Variants in TBCD observed in about 807,000 individuals in gnomAD.
TBCD encodes the protein tubulin-specific chaperone D.
Under a neutral mutation model 169.3 loss-of-function variants are expected in TBCD, and 105 were observed. The observed-to-expected ratio is 0.62, with a 90% CI of 0.53 to 0.73. The LOEUF (loss-of-function observed/expected upper bound fraction) is 0.73, where lower values mean the gene tolerates loss of function less well. Ranked by LOEUF, TBCD falls within the 30% of genes least tolerant of loss-of-function variation. The pLI, the probability that TBCD is intolerant of heterozygous loss-of-function variation, is 0.00. For missense variants in TBCD, 1,444 were observed against 1,600.1 expected (o/e 0.90, Z 1.66); for synonymous variants, 700 against 643.9 (o/e 1.09, Z -1.32).
chr17:82,828,296 A>G (rs1189884888), intron 13 of TBCD, among the ~76,000 whole-genome samples: 1 of 137,012 alleles, frequency 7.3e-6, no homozygotes, highest in African/African-American at 2.8e-5. Flanking sequence ...CCCCACAGGC[A>G]CACGTGCACA....
chr17:82,827,780 T>C (rs1039273353), intron 13 of TBCD, among the ~76,000 whole-genome samples: 7 of 150,394 alleles, frequency 4.7e-5, no homozygotes, highest in Middle Eastern at 3.4e-3. Flanking sequence ...TCCGCAGATA[T>C]GTACACGTGG....
At chr17:82,929,535 G>C (rs2062028555) in intron 32 of TBCD, 35 bp downstream of exon 32, 1 of 1,599,558 alleles carries the variant, frequency 6.3e-7, no homozygotes. Flanking sequence ...GGCAGGAGGT[G>C]GCTCCAGGAG....
Position 82,849,604 on chromosome 17 carries a change from A to G in TBCD, c.1319-20620A>G, listed in dbSNP as rs550693528. Among the ~76,000 whole-genome samples, 8 of 152,340 alleles carry G rather than the reference A, an allele frequency of 5.3e-5. No individual in the cohort carries two copies. In the East Asian group the frequency reaches 1.2e-3, roughly 22 times the overall value. On this transcript the variant is annotated intron_variant, in intron 13 of 38. Coordinates refer to ENST00000355528, the MANE Select transcript of TBCD (RefSeq NM_005993.5). ...AAGTAAGAACCGCGTGGCACTAGCA[A>G]TCACTAGGCATTGTTCCAAGCACAC...
intron 13 of TBCD, chr17:82,859,922 C>G: frequency 1.0e-6 from 1 of 981,824 alleles, no homozygotes; most frequent in Non-Finnish European, 1.2e-6. Context: ...GTGACATGGC[C>G]TTTGGCCTCC....
chr17:82,894,909 G>A (rs9914246), intron 17 of TBCD, among the ~76,000 whole-genome samples: 34,793 of 152,060 alleles, frequency 0.23, 4,349 homozygotes, highest in East Asian at 0.48. Flanking sequence ...CCCGGGAAGC[G>A]GAGGCTGCAG....
intron 5 of TBCD, among the ~76,000 whole-genome samples, chr17:82,770,991 T>G (rs2048280284): frequency 7.5e-6 from 1 of 133,208 alleles, no homozygotes; most frequent in African/African-American, 2.9e-5. Flanking sequence ...GAGGTTGCAG[T>G]GAGCCAAGAT....
At position 82,752,369 on chromosome 17, in the gene TBCD, G is replaced by A. The variant is rs911971278; in HGVS notation, c.176G>A (p.Arg59Gln). 68 of 1,295,258 alleles carry A rather than the reference G, an allele frequency of 5.2e-5. No individual in the cohort carries two copies. Among genetic ancestry groups the A allele is most frequent in the Admixed American group, 2.1e-4 (5 of 23,464 alleles). 80.2% of individuals were successfully genotyped at this position (1,295,258 alleles called of 1,614,324 possible). The change falls in exon 1 of 39, where the codon CGG becomes CAG. Residue 59 changes from arginine to glutamine, a missense_variant. By Grantham distance (43) the Arg-to-Gln change is conservative. Coordinates refer to ENST00000355528, the MANE Select transcript of TBCD (RefSeq NM_005993.5). ...GCGGAGCGCGAGGTGGCCCTGGAGCGGTTCCGCGGTGCGTGGGCGGCGCCG... is the reference window on the plus strand; with the variant it reads ...GCGGAGCGCGAGGTGGCCCTGGAGCAGTTCCGCGGTGCGTGGGCGGCGCCG... The part of the protein sequence containing the change: ...GGAEREVALE[R>Q]FRVIMDKYQE...
intron 9 of TBCD, among the ~76,000 whole-genome samples, chr17:82,804,100 A>G (rs1033595166): frequency 1.5e-4 from 9 of 58,240 alleles, no homozygotes; most frequent in African/African-American, 6.3e-4. Flanking sequence ...GCTGGGGTGC[A>G]CCTGCCTGTA....
intron 17 of TBCD, 42 bp from the exon 18 acceptor site, chr17:82,900,609 G>A (rs190718560): frequency 1.4e-5 from 22 of 1,544,194 alleles, no homozygotes; most frequent in Admixed American, 1.2e-4. Flanking sequence ...GTGAGTTCTC[G>A]TTCTTCCGCG....
rs116442048 is a variant in TBCD at position 82,884,608 on chromosome 17, C to G, written c.1533+406C>G. 0.027 allele frequency among the ~76,000 whole-genome samples: 4,150 copies of G among 152,106 alleles called. 171 individuals carry two copies. The highest frequency in any genetic ancestry group is 0.09 in the African/African-American group (3,723 of 41,496). ...CTTTGAGCCTCGGGAGGGGCTGTTG[C>G]GAGCAGTGGTCAGCTCTGCTTCACC... On this transcript the variant is annotated intron_variant, in intron 15 of 38. Transcript: ENST00000355528. This position sits in a 1 kb window ranked among gnomAD's most constrained non-coding sequence, Gnocchi z 4.2.
chr17:82,941,612 A>C, intron 38 of TBCD, 129 bp downstream of exon 38: 2 of 804,236 alleles, frequency 2.5e-6, no homozygotes, highest in Non-Finnish European at 3.9e-6. Context: ...TCATGTCAGG[A>C]CCCCTGGGAT....
intron 6 of TBCD, among the ~76,000 whole-genome samples, chr17:82,779,554 A>T (rs544033068): frequency 3.2e-4 from 49 of 152,320 alleles, no homozygotes; most frequent in African/African-American, 1.1e-3. Flanking sequence ...GGCAGGTGCC[A>T]GCCGTCCTGT....
intron 15 of TBCD, among the ~76,000 whole-genome samples, chr17:82,887,347 C>T (rs551956235): frequency 7.5e-4 from 114 of 152,192 alleles, no homozygotes; most frequent in African/African-American, 2.6e-3. Context: ...AGCCACCGGT[C>T]GGCTCTCCGT....
rs748060210 is a variant in TBCD, at chr17:82,889,650, T to G, written c.1534-18T>G. 1.4e-5 allele frequency: 23 copies of G among 1,613,834 alleles called. No homozygotes were observed. The highest frequency in any genetic ancestry group is 1.9e-5 in the Non-Finnish European group (23 of 1,179,874). On this transcript the variant is annotated intron_variant, in intron 15 of 38. Coordinates refer to ENST00000355528, the MANE Select transcript of TBCD (RefSeq NM_005993.5). This position sits in a 1 kb window ranked among gnomAD's most constrained non-coding sequence, Gnocchi z 5.3. ...AGCTGACCTCGCTCACCTGCTGTGT[T>G]TGTTCTTTGCTCCGCAGGCCGCCTT...
At chr17:82,927,463 A>G in intron 29 of TBCD, 140 bp downstream of exon 29, 2 of 1,239,530 alleles carry the variant, frequency 1.6e-6, no homozygotes, top group South Asian at 3.2e-5. Flanking sequence ...TCTGGGGAAG[A>G]TGACCTGTTC....
In TBCD at chr17:82,890,718, A is replaced by G. The variant is rs11653739; in HGVS notation, c.1563+1021A>G. 0.47 allele frequency among the ~76,000 whole-genome samples: 71,292 copies of G among 152,010 alleles called. 17,429 individuals are homozygous for G. Among genetic ancestry groups the G allele is most frequent in the African/African-American group, 0.61 (25,168 of 41,442 alleles). On this transcript the variant is annotated intron_variant, in intron 16 of 38. Transcript: ENST00000355528. The surrounding 1 kb of genome is among the most constrained non-coding windows in gnomAD (Gnocchi z 5.3). ...CCGAGGCAGCCGAGGCCCACCCAGC[A>G]TCCTTGGGGTGCCGTGGGGCCTGCA...
intron 33 of TBCD, among the ~76,000 whole-genome samples, chr17:82,931,668 G>C (rs1032151857): frequency 1.3e-5 from 2 of 152,236 alleles, no homozygotes; most frequent in African/African-American, 4.8e-5. Flanking sequence ...CCTGTGGGTA[G>C]GTGTGCACAG....
At chr17:82,761,082 C>T (rs906532971) in intron 2 of TBCD, among the ~76,000 whole-genome samples, 17 of 152,150 alleles carry the variant, frequency 1.1e-4, no homozygotes, top group African/African-American at 4.1e-4. Flanking sequence ...GCCTCAGCCT[C>T]CTGAGTAGCT....
rs374434732 is a variant in TBCD, at chr17:82,831,917, C to T, written c.1318+16983C>T. ...GTGGGGTTGTGTAAAGCCAGTGTCTCGGGCGCCTCGGCGTTGTCTGGCCCC... is the reference window on the plus strand; with the variant it reads ...GTGGGGTTGTGTAAAGCCAGTGTCTTGGGCGCCTCGGCGTTGTCTGGCCCC... On this transcript the variant is annotated intron_variant, in intron 13 of 38. Transcript: ENST00000355528. The surrounding 1 kb of genome is among the most constrained non-coding windows in gnomAD (Gnocchi z 4.6). 1.9e-5 allele frequency: 30 copies of T among 1,614,080 alleles called. No individual in the cohort carries two copies. Among genetic ancestry groups the T allele is most frequent in the Admixed American group, 3.3e-5 (2 of 60,004 alleles).
Sources: gnomAD v4.1 joint callset for allele counts (sites outside exome capture counted in the v4.1 genomes callset) on GRCh38, gnomAD v4.1.1 for gene constraint, Gnocchi (gnomAD v3.1) non-coding constraint, MANE v1.5 for transcripts, NCBI Gene and HGNC (gene_info 2026-07-23, HGNC 2026-07-21) for gene names.